Variants in RANBP17 observed in about 807,000 individuals in gnomAD.
RANBP17 encodes RAN binding protein 17, also known as ran-binding protein 17.
In RANBP17, 158 loss-of-function variants were observed where a neutral mutation model predicts 141.2. The observed-to-expected ratio is 1.12, with a 90% CI of 0.98 to 1.28. The LOEUF is 1.28. RANBP17 is among the 50% of genes most tolerant of loss of function. The probability of loss-of-function intolerance (pLI) is 0.00; values close to 1 mark genes in which losing one functional copy is unlikely to be tolerated. For synonymous variants in RANBP17, 430 were observed against 450.0 expected (o/e 0.96, Z 0.56); for missense variants, 1,438 against 1,290.7 (o/e 1.11, Z -1.75).
At chr5:171,214,079 C>T (rs1438374323) in intron 21 of RANBP17, among the ~76,000 whole-genome samples, 1 of 152,116 alleles carries the variant, frequency 6.6e-6, no homozygotes, top group Non-Finnish European at 1.5e-5. Context: ...AATTTTAAAG[C>T]AGGAAAGAAG....
In RANBP17 at chr5:171,218,871, C is replaced by T. The variant is rs187367842; in HGVS notation, c.2340-2887C>T. Among the ~76,000 whole-genome samples the T allele has an allele frequency of 5.4e-3, 825 of 152,116 alleles. 14 individuals are homozygous for T. The highest frequency in any genetic ancestry group is 0.039 in the South Asian group (188 of 4,814). ...CTTTATCCAAGTTGCCTTCTGTGTC[C>T]TTTAATTGGGGCATTCAGCTCATTT... is the stretch of plus-strand genomic sequence containing the variant. On this transcript the variant is annotated intron_variant, in intron 21 of 27. Transcript: ENST00000523189.
At chr5:171,013,614 C>T in intron 14 of RANBP17, among the ~76,000 whole-genome samples, 1 of 101,416 alleles carries the variant, frequency 9.9e-6, no homozygotes, top group Non-Finnish European at 2.2e-5. Context: ...TCTATTTTGT[C>T]CCATTGATCT....
At chr5:171,134,904 G>A (rs1485459332) in intron 14 of RANBP17, among the ~76,000 whole-genome samples, 1 of 149,224 alleles carries the variant, frequency 6.7e-6, no homozygotes, top group Non-Finnish European at 1.5e-5. Flanking sequence ...CCAGGGTGAC[G>A]GGGTGAGATC....
Position 170,875,808 on chromosome 5 carries a change from A to G in RANBP17, c.19-2289A>G, listed in dbSNP as rs149304864. 2.6e-5 allele frequency among the ~76,000 whole-genome samples: 4 copies of G among 152,216 alleles called. No homozygotes were observed. The East Asian group carries it at 7.7e-4, about 29-fold the overall frequency. On this transcript the variant is annotated intron_variant, in intron 1 of 27. Coordinates refer to ENST00000523189, the MANE Select transcript of RANBP17 (RefSeq NM_022897.5). ...CCCTTCCTGGAGAGGTGTTGCTATC[A>G]TTTGGAGAAGAAGCACTCTGGCCTT...
At chr5:171,274,405 C>T (rs1351179117) in intron 25 of RANBP17, among the ~76,000 whole-genome samples, 1 of 151,974 alleles carries the variant, frequency 6.6e-6, no homozygotes, top group African/African-American at 2.4e-5. Flanking sequence ...TATGAAAGTA[C>T]TTATCTATCT....
chr5:170,912,922 T>C lies in RANBP17; in HGVS notation c.761-1245T>C, dbSNP rs868404451. 3.3e-5 allele frequency among the ~76,000 whole-genome samples: 5 copies of C among 152,080 alleles called. No individual in the cohort carries two copies. The Middle Eastern group carries it at 0.017, about 517-fold the overall frequency. On this transcript the variant is annotated intron_variant, in intron 7 of 27. Transcript: ENST00000523189. ...ACTAAGCTTTATAATCATGACATTT[T>C]AGAATAGTAAGGATAAAGAAAAAAA...
intron 14 of RANBP17, among the ~76,000 whole-genome samples, chr5:171,086,337 G>GTTTT (rs1397012552): frequency 6.6e-6 from 1 of 151,392 alleles, no homozygotes; most frequent in Non-Finnish European, 1.5e-5. Context: ...GTGGATAAGC[G>GTTTT]TTTTGATGTG....
At chr5:171,150,566 A>G (rs912199634) in intron 14 of RANBP17, among the ~76,000 whole-genome samples, 14 of 152,134 alleles carry the variant, frequency 9.2e-5, no homozygotes, top group Admixed American at 7.2e-4. Context: ...ACCAGATACT[A>G]TGCTAGGCAT....
intron 12 of RANBP17, among the ~76,000 whole-genome samples, chr5:170,928,082 G>C (rs1277603061): frequency 6.6e-6 from 1 of 152,068 alleles, no homozygotes; most frequent in African/African-American, 2.4e-5. Flanking sequence ...TCTCACTGTG[G>C]TTATAATTTG....
chr5:171,156,545 A>G (rs1237030184), intron 14 of RANBP17, among the ~76,000 whole-genome samples: 1 of 152,124 alleles, frequency 6.6e-6, no homozygotes, highest in Non-Finnish European at 1.5e-5. Flanking sequence ...GCTATTTGGT[A>G]AAAGTCCACA....
intron 25 of RANBP17, among the ~76,000 whole-genome samples, chr5:171,276,918 TAAAAAAAAAAAAAA>T (rs149425836): frequency 8.5e-5 from 7 of 82,236 alleles, no homozygotes; most frequent in African/African-American, 2.9e-4. Context: ...AAATGTATCT[TAAAAAAAAAAAAAA>T]AAAAAAAAAA....
At chr5:171,102,856 C>G (rs892298936) in intron 14 of RANBP17, among the ~76,000 whole-genome samples, 6 of 152,122 alleles carry the variant, frequency 3.9e-5, no homozygotes, top group African/African-American at 1.2e-4. Flanking sequence ...AGTCAGACCC[C>G]TCTGCTGCAG....
At chr5:171,182,416 A>G (rs886305200) in intron 16 of RANBP17, among the ~76,000 whole-genome samples, 23 of 152,184 alleles carry the variant, frequency 1.5e-4, no homozygotes, top group Non-Finnish European at 2.9e-4. Flanking sequence ...TTCAGATGAT[A>G]ATGTGGTACA....
chr5:171,047,943 C>A (rs1005817681), intron 14 of RANBP17, among the ~76,000 whole-genome samples: 1 of 152,040 alleles, frequency 6.6e-6, no homozygotes, highest in Admixed American at 6.6e-5. Context: ...TCTGAGAAAT[C>A]TTTGACTAAT....
chr5:170,953,648 T>G lies in RANBP17; in HGVS notation c.1520T>G (p.Leu507Ter), dbSNP rs1451445223. Residue 507 changes from leucine (L) to a stop codon, truncating the protein, a stop_gained, in exon 13 of 28, where the codon TTA becomes TGA. Transcript: ENST00000523189. LOFTEE classifies it high-confidence loss of function. ...YLVGTVVGGR[L>*]TYTSTDEHDA... ...GTTGGGACAGTTGTAGGAGGAAGAT[T>G]AACATATACCAGTACAGATGAGCAT... 2 of 1,611,914 alleles carry G rather than the reference T, an allele frequency of 1.2e-6. No individual in the cohort carries two copies. Among genetic ancestry groups the G allele is most frequent in the Admixed American group, 1.7e-5 (1 of 59,964 alleles).
chr5:171,161,685 G>A (rs1341016490), intron 14 of RANBP17, among the ~76,000 whole-genome samples: 6 of 152,132 alleles, frequency 3.9e-5, no homozygotes, highest in Non-Finnish European at 2.9e-5. Flanking sequence ...TAGCTGCAAA[G>A]CCTATATTTA....
intron 1 of RANBP17, among the ~76,000 whole-genome samples, chr5:170,872,779 A>G (rs1242556981): frequency 2.0e-5 from 3 of 152,100 alleles, no homozygotes; most frequent in Admixed American, 2.0e-4. Flanking sequence ...GCATCATTCT[A>G]TTGAGATAAT....
intron 14 of RANBP17, among the ~76,000 whole-genome samples, chr5:171,019,401 G>A (rs1387886455): frequency 2.0e-5 from 3 of 151,850 alleles, no homozygotes; most frequent in Admixed American, 1.3e-4. Context: ...CTTTTTTTTT[G>A]TTGGTAGGCT....
chr5:171,052,453 T>A (rs1783015511), intron 14 of RANBP17, among the ~76,000 whole-genome samples: 1 of 152,228 alleles, frequency 6.6e-6, no homozygotes, highest in African/African-American at 2.4e-5. Context: ...CATCCAGTTG[T>A]CCCAGCACCA....
Sources: gnomAD v4.1 joint callset for allele counts (sites outside exome capture counted in the v4.1 genomes callset) on GRCh38, gnomAD v4.1.1 for gene constraint, MANE v1.5 for transcripts, NCBI Gene and HGNC (gene_info 2026-07-23, HGNC 2026-07-21) for gene names.